The following SLC4A4 variants were observed in gnomAD, a reference collection of about 807,000 sequenced individuals.
The protein encoded by SLC4A4 is solute carrier family 4 member 4.
Under a neutral mutation model 111.5 loss-of-function variants are expected in SLC4A4, and 27 were observed. The ratio of observed to expected loss-of-function variants is 0.24; its 90% confidence interval spans 0.18 to 0.33. The LOEUF (loss-of-function observed/expected upper bound fraction) is 0.33. SLC4A4 is among the 10% of genes least tolerant of loss of function. The pLI is 1.00. For synonymous variants in SLC4A4, 443 were observed against 463.4 expected (o/e 0.96, Z 0.57); for missense variants, 909 against 1,315.5 (o/e 0.69, Z 4.78).
At chr4:71,465,433 C>T (rs960491919) in intron 12 of SLC4A4, among the ~76,000 whole-genome samples, 1 of 150,970 alleles carries the variant, frequency 6.6e-6, no homozygotes, top group African/African-American at 2.4e-5. Context: ...TTTATGTCTA[C>T]AAAAGAACCT....
Position 71,446,795 on chromosome 4 carries a change from C to A in SLC4A4, c.966-851C>A, listed in dbSNP as rs1577925169. On this transcript the variant is annotated intron_variant, in intron 8 of 25. Coordinates refer to ENST00000264485, the MANE Select transcript of SLC4A4 (RefSeq NM_001098484.3). ...TCAAGGTGGGATTTATCCCACGTCACCTTTTGTAGATTTTTTTGTAAATTT... is the reference window on the plus strand; with the variant it reads ...TCAAGGTGGGATTTATCCCACGTCAACTTTTGTAGATTTTTTTGTAAATTT... 2.0e-5 allele frequency among the ~76,000 whole-genome samples: 3 copies of A among 152,294 alleles called. No homozygotes were observed. In the Middle Eastern group the frequency reaches 0.01, roughly 518 times the overall value.
At chr4:71,538,142 T>C (rs1369663575) in intron 18 of SLC4A4, among the ~76,000 whole-genome samples, 2 of 152,132 alleles carry the variant, frequency 1.3e-5, no homozygotes, top group Non-Finnish European at 1.5e-5. Context: ...AATTCTTAAT[T>C]ATGATCTACG....
intron 23 of SLC4A4, 148 bp from the exon 24 acceptor site, chr4:71,563,644 GT>G: frequency 1.5e-6 from 1 of 663,960 alleles, no homozygotes; most frequent in South Asian, 1.7e-5. Flanking sequence ...AAGGAATGCA[GT>G]TAAAAGATGG....
chr4:71,171,790 A>G (rs569470093), intron 2 of SLC4A4, among the ~76,000 whole-genome samples: 1 of 152,324 alleles, frequency 6.6e-6, no homozygotes, highest in African/African-American at 2.4e-5. Context: ...AGTAACTGCA[A>G]TGTCAGCAGA....
intron 6 of SLC4A4, among the ~76,000 whole-genome samples, chr4:71,377,623 A>G (rs1036001235): frequency 3.3e-5 from 5 of 152,154 alleles, no homozygotes; most frequent in Non-Finnish European, 5.9e-5. Flanking sequence ...TCATGCTACT[A>G]TATGTGTAAT....
At chr4:71,541,656 A>T (rs547030748) in intron 18 of SLC4A4, among the ~76,000 whole-genome samples, 99 of 147,294 alleles carry the variant, frequency 6.7e-4, no homozygotes, top group Middle Eastern at 7.0e-3. Context: ...CTTGGGCTTG[A>T]TGGGGTCAGA....
At chr4:71,262,167 A>G (rs2149069277) in intron 3 of SLC4A4, among the ~76,000 whole-genome samples, 1 of 152,278 alleles carries the variant, frequency 6.6e-6, no homozygotes, top group South Asian at 2.1e-4. Flanking sequence ...AAAGAAAGGT[A>G]TTGGCAAGGG....
Position 71,560,254 on chromosome 4 carries a change from T to C in SLC4A4, c.3099T>C (p.Asp1033=), listed in dbSNP as rs1736851571. 4 of 1,604,236 alleles carry C rather than the reference T, an allele frequency of 2.5e-6. No individual in the cohort carries two copies. The highest frequency in any genetic ancestry group is 3.4e-6 in the Non-Finnish European group (4 of 1,174,296). Residue 1033 remains aspartate (D), a splice_region_variant and synonymous_variant, in exon 23 of 26, where the codon GAT becomes GAC. Coordinates refer to ENST00000264485, the MANE Select transcript of SLC4A4 (RefSeq NM_001098484.3). The part of the protein sequence containing the change: ...KKGSLDSDND[D]SDCPYSEKVP... ...GAAGTCTGGACAGTGACAATGATGA[T>C]GTAAGGAACTTTCCAAATTCCAAAG...
rs1314130619 is a variant in SLC4A4, at chr4:71,568,305, A to G, written c.*554A>G. On this transcript the variant is annotated 3_prime_UTR_variant, in exon 26 of 26. Transcript: ENST00000264485. ...GGCTTGTCTTTGTCTGGTAGAACAA[A>G]CCTTGACCTCCAGACAGAGTCCCTT... is the stretch of plus-strand genomic sequence containing the variant. 2 of 165,104 alleles carry G rather than the reference A, an allele frequency of 1.2e-5. No homozygotes were observed. The highest frequency in any genetic ancestry group is 3.8e-4 in the East Asian group (2 of 5,262). 10.2% of individuals were successfully genotyped at this position (165,104 alleles called of 1,614,324 possible).
At chr4:71,168,101 TA>T (rs1744830969) in intron 2 of SLC4A4, among the ~76,000 whole-genome samples, 1 of 151,900 alleles carries the variant, frequency 6.6e-6, no homozygotes, top group African/African-American at 2.4e-5. Flanking sequence ...CAATGTGTAA[TA>T]ATCACACCAG....
At chr4:71,136,008 C>T (rs1030104409) in intron 2 of SLC4A4, among the ~76,000 whole-genome samples, 4 of 152,208 alleles carry the variant, frequency 2.6e-5, no homozygotes, top group African/African-American at 9.6e-5. Flanking sequence ...GAACTTCTCT[C>T]CTAGAGGTTC....
At chr4:71,241,164 C>T (rs1720187217) in intron 2 of SLC4A4, among the ~76,000 whole-genome samples, 1 of 151,984 alleles carries the variant, frequency 6.6e-6, no homozygotes, top group African/African-American at 2.4e-5. Flanking sequence ...GTTTTGTTAT[C>T]TTAGTACTCT....
At chr4:71,178,048 T>C (rs1045189715) in intron 2 of SLC4A4, among the ~76,000 whole-genome samples, 10 of 152,046 alleles carry the variant, frequency 6.6e-5, no homozygotes, top group Non-Finnish European at 1.2e-4. Context: ...CTCAACTACA[T>C]GGAAACTGAA....
At chr4:71,500,945 T>C (rs1198012001) in intron 16 of SLC4A4, among the ~76,000 whole-genome samples, 5 of 152,234 alleles carry the variant, frequency 3.3e-5, no homozygotes, top group African/African-American at 4.8e-5. Flanking sequence ...TTGGGGTCTT[T>C]TGTGATTTGA....
At chr4:71,147,605 G>C (rs1185521612) in intron 2 of SLC4A4, among the ~76,000 whole-genome samples, 5 of 152,130 alleles carry the variant, frequency 3.3e-5, no homozygotes. Flanking sequence ...AATGGGGCTT[G>C]ATTTAATCAC....
chr4:71,221,407 C>T (rs910718609), intron 1 of SLC4A4, among the ~76,000 whole-genome samples: 1 of 152,192 alleles, frequency 6.6e-6, no homozygotes, highest in Non-Finnish European at 1.5e-5. Context: ...CACGGGATGT[C>T]ATTCTTATGG....
chr4:71,317,069 TGTGTGC>T (rs1351542067), intron 3 of SLC4A4, among the ~76,000 whole-genome samples: 15 of 48,852 alleles, frequency 3.1e-4, no homozygotes, highest in African/African-American at 8.0e-4. Context: ...GGGTTGTGTG[TGTGTGC>T]GTGTGTGTGT....
At chr4:71,152,845 C>G (rs1744345085) in intron 2 of SLC4A4, among the ~76,000 whole-genome samples, 1 of 151,712 alleles carries the variant, frequency 6.6e-6, no homozygotes, top group South Asian at 2.1e-4. Flanking sequence ...GCATAATACT[C>G]TCCATTTGCT....
chr4:71,390,618 A>G (rs1386645232), intron 6 of SLC4A4, among the ~76,000 whole-genome samples: 9 of 152,284 alleles, frequency 5.9e-5, no homozygotes, highest in African/African-American at 1.7e-4. Flanking sequence ...GGAACTGCTA[A>G]GTTGGAAACC....
Sources: allele counts gnomAD v4.1 joint callset (sites outside exome capture counted in the v4.1 genomes callset), GRCh38; gene constraint gnomAD v4.1.1; transcripts MANE v1.5; gene names NCBI Gene and HGNC (gene_info 2026-07-23, HGNC 2026-07-21).